The following SSBP2 variants were observed in gnomAD, a reference collection of about 807,000 sequenced individuals.
The protein encoded by SSBP2 is single-stranded DNA-binding protein 2.
SSBP2 carries 17 observed loss-of-function variants against 61.8 expected under a neutral mutation model. The ratio of observed to expected loss-of-function variants is 0.28; its 90% CI spans 0.19 to 0.41. The LOEUF is 0.41. Ranked by LOEUF, SSBP2 falls within the 10% of genes least tolerant of loss-of-function variation. The pLI is 1.00. For missense variants in SSBP2, 310 were observed against 458.7 expected, an observed-to-expected ratio of 0.68 and a Z score of 2.96; for synonymous variants, 139 against 141.3, an observed-to-expected ratio of 0.98 and a Z score of 0.12.
intron 4 of SSBP2, among the ~76,000 whole-genome samples, chr5:81,534,713 G>T (rs1399066163): frequency 1.3e-5 from 2 of 151,808 alleles, no homozygotes; most frequent in Non-Finnish European, 2.9e-5. Context: ...CAAGAACTGT[G>T]GAACAACTAC....
chr5:81,578,060 T>C (rs1774367561), intron 4 of SSBP2, among the ~76,000 whole-genome samples: 4 of 152,042 alleles, frequency 2.6e-5, no homozygotes, highest in Admixed American at 2.0e-4. Context: ...TTATAAATGG[T>C]TCAGCTGGGA....
intron 4 of SSBP2, among the ~76,000 whole-genome samples, chr5:81,599,760 T>G (rs796963059): frequency 2.6e-5 from 4 of 152,362 alleles, no homozygotes; most frequent in African/African-American, 9.6e-5. Context: ...CTGGCCGTTA[T>G]AGCAGGTAGT....
At chr5:81,642,633 A>C (rs1377719720) in intron 2 of SSBP2, among the ~76,000 whole-genome samples, 3 of 152,226 alleles carry the variant, frequency 2.0e-5, no homozygotes, top group African/African-American at 7.2e-5. Flanking sequence ...CATATATGTA[A>C]CAATTTTCAT....
At chr5:81,675,655 T>A (rs1751913448) in intron 1 of SSBP2, among the ~76,000 whole-genome samples, 1 of 152,212 alleles carries the variant, frequency 6.6e-6, no homozygotes. Flanking sequence ...CTAGTAAATG[T>A]GTTGATAAAT....
At chr5:81,628,485 A>G (rs771087386) in intron 3 of SSBP2, among the ~76,000 whole-genome samples, 1 of 152,214 alleles carries the variant, frequency 6.6e-6, no homozygotes, top group Non-Finnish European at 1.5e-5. Flanking sequence ...TCTGCAATTA[A>G]AACTTTAAAT....
At chr5:81,621,934 T>C (rs1746608449) in intron 3 of SSBP2, among the ~76,000 whole-genome samples, 1 of 112,516 alleles carries the variant, frequency 8.9e-6, no homozygotes, top group African/African-American at 3.5e-5. Flanking sequence ...GGAAGGGGAA[T>C]ATCACACTCT....
At chr5:81,709,269 A>G (rs1426011549) in intron 1 of SSBP2, among the ~76,000 whole-genome samples, 1 of 152,014 alleles carries the variant, frequency 6.6e-6, no homozygotes, top group Non-Finnish European at 1.5e-5. Context: ...GAAAAGAAGA[A>G]GTAAAAATAA....
At chr5:81,442,601 G>T in intron 13 of SSBP2, 52 bp downstream of exon 13, 1 of 975,088 alleles carries the variant, frequency 1.0e-6, no homozygotes, top group Non-Finnish European at 1.6e-6. Flanking sequence ...AATGCACTCA[G>T]AGTTTGAAAG....
intron 4 of SSBP2, among the ~76,000 whole-genome samples, chr5:81,564,147 G>T (rs946777869): frequency 2.0e-5 from 3 of 152,094 alleles, no homozygotes; most frequent in Non-Finnish European, 2.9e-5. Flanking sequence ...TGTGAAAAAA[G>T]ATACTAACAT....
chr5:81,587,761 G>GCACACA lies in SSBP2; in HGVS notation c.282+27711_282+27712insTGTGTG, dbSNP rs749896266. On this transcript the variant is annotated intron_variant, in intron 4 of 16. Transcript: ENST00000320672. Reference sequence around the variant, plus strand: ...TACACACACACGCACACACACGCGCGCGCACACACACACACACACACACTA... The same window carrying GCACACA: ...TACACACACACGCACACACACGCGCGCACACACGCACACACACACACACACACACTA... Among the ~76,000 whole-genome samples the GCACACA allele has an allele frequency of 5.0e-3, 650 of 129,448 alleles. 3 individuals carry two copies. The highest frequency in any genetic ancestry group is 0.014 in the African/African-American group (551 of 38,748). 84.9% of individuals were successfully genotyped at this position (129,448 alleles called of 152,430 possible). A position where few individuals can be genotyped will look rare whatever the true frequency, so the allele number is the denominator to read the frequency against.
intron 1 of SSBP2, among the ~76,000 whole-genome samples, chr5:81,706,116 G>A (rs1397502760): frequency 6.6e-6 from 1 of 152,026 alleles, no homozygotes; most frequent in African/African-American, 2.4e-5. Context: ...ACAGTGGACT[G>A]GGGTATATAC....
chr5:81,473,176 T>G (rs1322703872), intron 8 of SSBP2, among the ~76,000 whole-genome samples: 5 of 152,226 alleles, frequency 3.3e-5, no homozygotes, highest in Non-Finnish European at 7.3e-5. Context: ...TTTACATATG[T>G]GAAGGAGGCA....
chr5:81,706,445 GCAACAAATC>G (rs1278738081), intron 1 of SSBP2, among the ~76,000 whole-genome samples: 7 of 152,076 alleles, frequency 4.6e-5, no homozygotes, highest in African/African-American at 9.7e-5. Flanking sequence ...ATATATCCAT[GCAACAAATC>G]TGTACATGTA....
chr5:81,462,377 G>GT (rs1377250627), intron 9 of SSBP2, among the ~76,000 whole-genome samples: 1 of 152,154 alleles, frequency 6.6e-6, no homozygotes, highest in East Asian at 1.9e-4. Flanking sequence ...ACAGTTTTTA[G>GT]TTTTGTTTTG....
chr5:81,434,139 T>G (rs1163478780), intron 15 of SSBP2, among the ~76,000 whole-genome samples: 1 of 152,236 alleles, frequency 6.6e-6, no homozygotes, highest in East Asian at 1.9e-4. Context: ...TCAGGCTTTC[T>G]GATTCTCAAT....
intron 5 of SSBP2, among the ~76,000 whole-genome samples, chr5:81,493,189 C>CAT (rs1028073570): frequency 6.0e-5 from 9 of 151,106 alleles, no homozygotes; most frequent in Middle Eastern, 6.8e-3. Flanking sequence ...CATTCAAAAA[C>CAT]ATATATATAT....
At chr5:81,466,399 A>C (rs1764892289) in intron 9 of SSBP2, among the ~76,000 whole-genome samples, 1 of 152,060 alleles carries the variant, frequency 6.6e-6, no homozygotes, top group South Asian at 2.1e-4. Flanking sequence ...GAATTTTTCA[A>C]AACAAAATTC....
rs1561733383 is a variant in SSBP2, at chr5:81,726,510, A to G, written c.62+24471T>C. Among the ~76,000 whole-genome samples, 3 of 151,918 alleles carry G rather than the reference A, an allele frequency of 2.0e-5. No individual in the cohort carries two copies. The South Asian group carries it at 6.2e-4, about 31-fold the overall frequency. On this transcript the variant is annotated intron_variant, in intron 1 of 16. Transcript: ENST00000320672. Reference sequence around the variant, plus strand: ...GCCACTGTTATTCACTGTGCTACCAATGCTGCACTATTATACTTAAAACCT... The same window carrying G: ...GCCACTGTTATTCACTGTGCTACCAGTGCTGCACTATTATACTTAAAACCT...
intron 4 of SSBP2, among the ~76,000 whole-genome samples, chr5:81,541,438 C>T (rs908720941): frequency 2.0e-5 from 3 of 151,232 alleles, no homozygotes; most frequent in Non-Finnish European, 2.9e-5. Flanking sequence ...TCATATAGCA[C>T]CAAAAAAGAG....
Sources: allele counts gnomAD v4.1 joint callset (sites outside exome capture counted in the v4.1 genomes callset), GRCh38; gene constraint gnomAD v4.1.1; transcripts MANE v1.5; gene names NCBI Gene and HGNC (gene_info 2026-07-23, HGNC 2026-07-21).